SORCS3: variants seen among roughly 807,000 people sequenced by gnomAD.
SORCS3 encodes the protein sortilin related VPS10 domain containing receptor 3.
Under a neutral mutation model 146.3 loss-of-function variants are expected in SORCS3, and 57 were observed. The ratio of observed to expected loss-of-function variants is 0.39; its 90% CI spans 0.31 to 0.49. The LOEUF (loss-of-function observed/expected upper bound fraction) is 0.49, where lower values mean the gene tolerates loss of function less well. Among genes scored for constraint, SORCS3 ranks in the 20% least tolerant of loss-of-function variants. The pLI is 0.92. For synonymous variants in SORCS3, 653 were observed against 618.5 expected (o/e 1.06, Z -0.83); for missense variants, 1,341 against 1,575.5 (o/e 0.85, Z 2.52).
At chr10:104,964,865 T>G (rs1403075956) in intron 3 of SORCS3, among the ~76,000 whole-genome samples, 3 of 152,166 alleles carry the variant, frequency 2.0e-5, no homozygotes. Flanking sequence ...AAACAACAAC[T>G]CCTCATTTCT....
intron 1 of SORCS3, among the ~76,000 whole-genome samples, chr10:104,674,510 G>A (rs1186120357): frequency 6.6e-6 from 1 of 152,186 alleles, no homozygotes; most frequent in Admixed American, 6.5e-5. Flanking sequence ...TAAGGCCCTT[G>A]GCCCTATATC....
intron 1 of SORCS3, among the ~76,000 whole-genome samples, chr10:104,783,745 G>GA (rs2017401396): frequency 6.6e-6 from 1 of 151,948 alleles, no homozygotes; most frequent in African/African-American, 2.4e-5. Context: ...GAGAGAGAGA[G>GA]AAAAAAAGGA....
intron 1 of SORCS3, among the ~76,000 whole-genome samples, chr10:104,741,700 G>GTTATTTTTT (rs2016844714): frequency 3.1e-4 from 1 of 3,244 alleles, no homozygotes; most frequent in Non-Finnish European, 5.6e-4. Flanking sequence ...TCCATTCTGG[G>GTTATTTTTT]TTTTTTTTTT....
intron 5 of SORCS3, among the ~76,000 whole-genome samples, chr10:105,071,026 G>T (rs910015464): frequency 6.6e-6 from 1 of 152,192 alleles, no homozygotes; most frequent in Non-Finnish European, 1.5e-5. Flanking sequence ...GTCCAGTCCA[G>T]TTGGGATGAG....
chr10:104,930,042 A>G (rs1433102428), intron 3 of SORCS3, among the ~76,000 whole-genome samples: 1 of 140,950 alleles, frequency 7.1e-6, no homozygotes, highest in African/African-American at 3.0e-5. Flanking sequence ...AAGTTCCATA[A>G]ATGTCCAGAA....
chr10:105,181,767 C>G (rs934317191), intron 14 of SORCS3, among the ~76,000 whole-genome samples: 3 of 152,164 alleles, frequency 2.0e-5, no homozygotes, highest in Non-Finnish European at 2.9e-5. Context: ...GACAGGCTGA[C>G]TGACAAGCTG....
At chr10:105,031,340 C>CACACACACAA (rs1227262751) in intron 4 of SORCS3, among the ~76,000 whole-genome samples, 1 of 120,102 alleles carries the variant, frequency 8.3e-6, no homozygotes, top group Non-Finnish European at 1.7e-5. Context: ...CAAACACACA[C>CACACACACAA]ACACACACAC....
At chr10:105,070,280 G>A (rs532445673) in intron 5 of SORCS3, among the ~76,000 whole-genome samples, 46 of 152,316 alleles carry the variant, frequency 3.0e-4, no homozygotes, top group African/African-American at 1.1e-3. Context: ...AACTAAGGTT[G>A]AGAGTGGTTA....
At chr10:105,026,524 C>G (rs1473338574) in intron 4 of SORCS3, among the ~76,000 whole-genome samples, 1 of 152,226 alleles carries the variant, frequency 6.6e-6, no homozygotes, top group Non-Finnish European at 1.5e-5. Flanking sequence ...GACACATGCA[C>G]TTGTATGTTC....
chr10:105,171,881 T>C (rs2056362685), intron 13 of SORCS3, among the ~76,000 whole-genome samples: 2 of 152,106 alleles, frequency 1.3e-5, no homozygotes, highest in Non-Finnish European at 2.9e-5. Context: ...TAGGAAAAGG[T>C]CTTATAGAAG....
chr10:104,973,386 C>T (rs2054873503), intron 3 of SORCS3, among the ~76,000 whole-genome samples: 1 of 152,106 alleles, frequency 6.6e-6, no homozygotes, highest in Non-Finnish European at 1.5e-5. Flanking sequence ...TGTTATTGGT[C>T]TATTCAGAGA....
chr10:104,876,486 C>CCCAGAAAAGCTTTCTGATCCTT (rs1433519526), intron 2 of SORCS3, among the ~76,000 whole-genome samples: 3 of 152,154 alleles, frequency 2.0e-5, no homozygotes, highest in Non-Finnish European at 4.4e-5. Flanking sequence ...ATATCAAAGA[C>CCCAGAAAAGCTTTCTGATCCTT]CCAGAAAAGC....
At chr10:105,097,625 A>C (rs992118036) in intron 6 of SORCS3, among the ~76,000 whole-genome samples, 4 of 152,222 alleles carry the variant, frequency 2.6e-5, no homozygotes, top group Non-Finnish European at 5.9e-5. Context: ...CCTATTTGAA[A>C]ATACTAACAA....
intron 1 of SORCS3, among the ~76,000 whole-genome samples, chr10:104,763,442 C>G (rs959000784): frequency 6.6e-6 from 1 of 152,138 alleles, no homozygotes. Context: ...ATGTGGCTTA[C>G]AAATAGTCAA....
chr10:104,977,252 G>C (rs1294278932), intron 3 of SORCS3, 83 bp from the exon 4 acceptor site: 9 of 1,169,934 alleles, frequency 7.7e-6, no homozygotes, highest in Non-Finnish European at 1.1e-5. Flanking sequence ...TACAAATACA[G>C]ATGACTTATT....
At chr10:105,256,528 G>A (rs2056932381) in intron 24 of SORCS3, among the ~76,000 whole-genome samples, 1 of 152,180 alleles carries the variant, frequency 6.6e-6, no homozygotes, top group African/African-American at 2.4e-5. Flanking sequence ...AAGAGCACTG[G>A]AGCCCTTATT....
intron 4 of SORCS3, among the ~76,000 whole-genome samples, chr10:105,041,591 A>C (rs1317947327): frequency 6.6e-6 from 1 of 152,010 alleles, no homozygotes; most frequent in Non-Finnish European, 1.5e-5. Flanking sequence ...TCCGTTGTTC[A>C]ATAAATATTT....
chr10:104,775,203 C>A (rs2017295128), intron 1 of SORCS3, among the ~76,000 whole-genome samples: 1 of 152,178 alleles, frequency 6.6e-6, no homozygotes. Context: ...TGGCCTTGGG[C>A]ACACAGCAAT....
chr10:104,901,730 G>A (rs2018853305), intron 2 of SORCS3, among the ~76,000 whole-genome samples: 1 of 152,172 alleles, frequency 6.6e-6, no homozygotes, highest in Non-Finnish European at 1.5e-5. Context: ...TTCAGGCCTT[G>A]CTCATGCCTT....
Sources: allele counts gnomAD v4.1 joint callset (sites outside exome capture counted in the v4.1 genomes callset), GRCh38; gene constraint gnomAD v4.1.1; transcripts MANE v1.5; gene names NCBI Gene and HGNC (gene_info 2026-07-23, HGNC 2026-07-21).